The following GVQW3 variants were observed in gnomAD, a reference collection of about 807,000 sequenced individuals.
GVQW3 encodes GVQW motif containing 3.
Under a neutral mutation model 12.5 loss-of-function variants are expected in GVQW3, and 7 were observed. The observed-to-expected ratio is 0.56, with a 90% CI of 0.32 to 1.05. The LOEUF (loss-of-function observed/expected upper bound fraction) is 1.05, where lower values mean the gene tolerates loss of function less well. Among genes scored for constraint, GVQW3 ranks in the 50% least tolerant of loss-of-function variants. GVQW3 has a pLI of 0.04. For missense variants in GVQW3, 188 were observed against 190.8 expected (o/e 0.99, Z 0.09); for synonymous variants, 71 against 67.2 (o/e 1.06, Z -0.28).
intron 1 of GVQW3, among the ~76,000 whole-genome samples, chr11:76,386,785 A>G (rs1946838946): frequency 6.6e-6 from 1 of 152,174 alleles, no homozygotes; most frequent in South Asian, 2.1e-4. Context: ...ACCATCATGT[A>G]TTTATGTTCT....
rs533195601 is a variant in GVQW3, at chr11:76,387,206, C to T, written c.465+4913C>T. Reference sequence around the variant, plus strand: ...ATCCCAGCACTTTGGGAGGCCGAGGCGGGTGGATCACCTGAGGTCAGGAGT... The same window carrying T: ...ATCCCAGCACTTTGGGAGGCCGAGGTGGGTGGATCACCTGAGGTCAGGAGT... On this transcript the variant is annotated intron_variant, in intron 1 of 1. Transcript: ENST00000529331. Among the ~76,000 whole-genome samples, 7 of 152,028 alleles carry T rather than the reference C, an allele frequency of 4.6e-5. No homozygotes were observed. The East Asian group carries it at 7.7e-4, about 17-fold the overall frequency.
chr11:76,391,081 C>T (rs1036510845), intron 1 of GVQW3, among the ~76,000 whole-genome samples: 1 of 152,196 alleles, frequency 6.6e-6, no homozygotes, highest in Non-Finnish European at 1.5e-5. Flanking sequence ...TACCCTACAA[C>T]GTGGTGGTAG....
intron 1 of GVQW3, among the ~76,000 whole-genome samples, chr11:76,403,104 C>T (rs1377611836): frequency 1.3e-4 from 19 of 151,922 alleles, no homozygotes; most frequent in African/African-American, 4.6e-4. Flanking sequence ...CACGCCACCA[C>T]ACCCGGCTAA....
downstream of GVQW3, among the ~76,000 whole-genome samples, chr11:76,409,996 C>A (rs1278331896): frequency 6.6e-6 from 1 of 152,154 alleles, no homozygotes; most frequent in East Asian, 1.9e-4. Context: ...GTGGCTCATG[C>A]CTGTAATTCC....
chr11:76,385,784 TGTTTTTTC>T (rs1173082220), intron 1 of GVQW3, among the ~76,000 whole-genome samples: 1 of 152,194 alleles, frequency 6.6e-6, no homozygotes. Context: ...GTGTTGATTT[TGTTTTTTC>T]TAAGGGACAT....
intron 1 of GVQW3, among the ~76,000 whole-genome samples, chr11:76,393,342 T>C (rs1253425931): frequency 6.6e-6 from 1 of 152,166 alleles, no homozygotes; most frequent in African/African-American, 2.4e-5. Context: ...AATCATGTTT[T>C]CTTTGACCCT....
At chr11:76,390,006 A>G (rs572959534) in intron 1 of GVQW3, 25 of 152,338 alleles carry the variant, frequency 1.6e-4, no homozygotes, top group African/African-American at 5.8e-4. Flanking sequence ...TGTCTGAAAA[A>G]TAATCATTGT....
rs1182599529 is a variant in GVQW3, at chr11:76,407,238, T to C, written c.*3480T>C. ...TTGCATTGGTGAAATTATAAATTGA[T>C]ATTGTTTTCTCAGAGCAATTTCGCA... On this transcript the variant is annotated 3_prime_UTR_variant, in exon 2 of 2. Transcript: ENST00000529331. 6 of 152,224 alleles carry C rather than the reference T, an allele frequency of 3.9e-5. No homozygotes were observed. The allele number at this position is 152,224 out of a possible 1,614,324, so 9.4% of individuals were successfully genotyped here. A position where few individuals can be genotyped will look rare whatever the true frequency, so the allele number is the denominator to read the frequency against.
At chr11:76,399,191 G>A (rs893243994) in intron 1 of GVQW3, among the ~76,000 whole-genome samples, 2 of 152,002 alleles carry the variant, frequency 1.3e-5, no homozygotes, top group Non-Finnish European at 2.9e-5. Context: ...CCAGGCTGTA[G>A]TGCAGTGGCA....
intron 1 of GVQW3, among the ~76,000 whole-genome samples, chr11:76,384,769 A>T (rs1946815713): frequency 6.6e-6 from 1 of 152,230 alleles, no homozygotes; most frequent in Non-Finnish European, 1.5e-5. Flanking sequence ...AGGACAATGA[A>T]GTCTTCCTAC....
chr11:76,390,459 G>A (rs189178890), intron 1 of GVQW3, among the ~76,000 whole-genome samples: 2 of 152,356 alleles, frequency 1.3e-5, no homozygotes, highest in East Asian at 3.9e-4. Flanking sequence ...GTATGATGCT[G>A]TTCTAGACAC....
Position 76,403,663 on chromosome 11 carries a change from C to A in GVQW3, c.469C>A (p.Arg157=). The change falls in exon 2 of 2, where the codon CGG becomes AGG. Residue 157 remains arginine (R), a synonymous_variant. Coordinates refer to ENST00000529331, the MANE Select transcript of GVQW3 (RefSeq NM_001347885.2). The part of the protein sequence containing the change: ...KNSSCLRKKR[R]NLTMLPRLVS... ...TTTTTATTTTTATTTTTTGTAGAGA[C>A]GGAACCTCACTATGTTGCCCAGGCT... 2.2e-6 allele frequency: 1 copy of A among 447,632 alleles called. No individual in the cohort carries two copies. The highest frequency in any genetic ancestry group is 3.4e-5 in the East Asian group (1 of 29,358). 27.7% of individuals were successfully genotyped at this position (447,632 alleles called of 1,614,324 possible).
chr11:76,413,481 T>C lies in GVQW3; in HGVS notation c.*2380T>C, dbSNP rs545999915. ...CCCTGGGCAGATCATTCCATCTCTT[T>C]GAGCCACAGTTCCTCATCTATAAGA... On this transcript the variant is annotated 3_prime_UTR_variant, in exon 2 of 2. Coordinates refer to the GVQW3 transcript ENST00000662483. 2.6e-5 allele frequency: 4 copies of C among 152,340 alleles called. No individual in the cohort carries two copies. In the East Asian group the frequency reaches 7.7e-4, roughly 29 times the overall value. The allele number at this position is 152,340 out of a possible 1,614,324, so 9.4% of individuals were successfully genotyped here.
downstream of GVQW3, chr11:76,410,937 A>G (rs1449744959): frequency 3.3e-5 from 5 of 152,176 alleles, no homozygotes; most frequent in African/African-American, 1.2e-4. Context: ...GACTTCAGGG[A>G]ATGAAAGCAT....
In GVQW3 at chr11:76,386,898, A is replaced by G. The variant is rs141365548; in HGVS notation, c.465+4605A>G. Among the ~76,000 whole-genome samples, 336 of 152,266 alleles carry G rather than the reference A, an allele frequency of 2.2e-3. 1 individual carries two copies. The highest frequency in any genetic ancestry group is 7.9e-3 in the African/African-American group (327 of 41,550). ...CAAAAAATCTATAGTGGGGAGCTCCAGTGGGTCCCCTCCAAGGACTCACTT... is the reference window on the plus strand; with the variant it reads ...CAAAAAATCTATAGTGGGGAGCTCCGGTGGGTCCCCTCCAAGGACTCACTT... On this transcript the variant is annotated intron_variant, in intron 1 of 1. Coordinates refer to ENST00000529331, the MANE Select transcript of GVQW3 (RefSeq NM_001347885.2).
chr11:76,386,776 CCAT>C, intron 1 of GVQW3, among the ~76,000 whole-genome samples: 1 of 152,264 alleles, frequency 6.6e-6, no homozygotes, highest in Non-Finnish European at 1.5e-5. Flanking sequence ...TCTGAGGTAA[CCAT>C]CATGTATTTA....
chr11:76,403,695 G>A lies in GVQW3; in HGVS notation c.501G>A (p.Ser167=), dbSNP rs902566304. The A allele has an allele frequency of 4.0e-5, 19 of 478,182 alleles. No homozygotes were observed. The highest frequency in any genetic ancestry group is 6.0e-5 in the Non-Finnish European group (16 of 267,544). 29.6% of individuals were successfully genotyped at this position (478,182 alleles called of 1,614,324 possible). ...RNLTMLPRLV[S]NSLSQGILPP... ...TCACTATGTTGCCCAGGCTGGTCTC[G>A]AACTCCTTGTCTCAAGGGATCCTCC... The change falls in exon 2 of 2, where the codon TCG becomes TCA. Residue 167 remains serine (S), a synonymous_variant. Coordinates refer to ENST00000529331, the MANE Select transcript of GVQW3 (RefSeq NM_001347885.2).
chr11:76,413,735 C>T (rs1474523779), exon 2 of GVQW3: 1 of 152,284 alleles, frequency 6.6e-6, no homozygotes, highest in East Asian at 1.9e-4. Context: ...ACAGGCATAC[C>T]AGTCTGCATA....
In GVQW3 at chr11:76,382,072, G is replaced by A. The variant is rs1477641093; in HGVS notation, c.244G>A (p.Val82Ile). The change falls in exon 1 of 2, where the codon GTT becomes ATT. Residue 82 changes from valine to isoleucine, a missense_variant. Transcript: ENST00000529331. ...CAATATCCAGAAGGTCAAGGACTTG[G>A]TTTGTTCAAACAGGCAGTTAACCGT... ...DDNIQKVKDL[V>I]CSNRQLTVRM... 6.5e-7 allele frequency: 1 copy of A among 1,536,602 alleles called. No homozygotes were observed.
Sources: allele counts gnomAD v4.1 joint callset (sites outside exome capture counted in the v4.1 genomes callset), GRCh38; gene constraint gnomAD v4.1.1; transcripts MANE v1.5; gene names NCBI Gene and HGNC (gene_info 2026-07-23, HGNC 2026-07-21).